Variants in RPUSD4 observed in about 807,000 individuals in gnomAD.
RPUSD4 encodes the protein pseudouridylate synthase RPUSD4, mitochondrial.
In RPUSD4, 37 loss-of-function variants were observed where a neutral mutation model predicts 35.4. The observed-to-expected ratio is 1.04, with a 90% CI of 0.80 to 1.37. The LOEUF (loss-of-function observed/expected upper bound fraction) is 1.37. Among genes scored for constraint, RPUSD4 ranks in the 40% most tolerant of loss-of-function variants. The pLI is 0.00. For synonymous variants in RPUSD4, 210 were observed against 192.7 expected (o/e 1.09, Z -0.74); for missense variants, 507 against 484.9 (o/e 1.05, Z -0.43).
intron 3 of RPUSD4, among the ~76,000 whole-genome samples, chr11:126,207,695 CA>C (rs1325825108): frequency 2.0e-5 from 3 of 152,038 alleles, no homozygotes; most frequent in Admixed American, 6.6e-5. Context: ...ACTAAAAATA[CA>C]AAAATTAGCT....
intron 3 of RPUSD4, chr11:126,208,646 GATATAT>G (rs147146741): frequency 6.6e-6 from 1 of 152,130 alleles, no homozygotes; most frequent in Non-Finnish European, 1.5e-5. Context: ...TGTACAATGT[GATATAT>G]ATATAGATAT....
intron 1 of RPUSD4, 38 bp downstream of exon 1, chr11:126,211,412 G>A: frequency 6.4e-7 from 1 of 1,557,582 alleles, no homozygotes; most frequent in Non-Finnish European, 8.7e-7. Context: ...ACCAATGAGC[G>A]CACTGCCTCT....
In RPUSD4 at chr11:126,209,699, T is replaced by C. The variant is rs756024379; in HGVS notation, c.379A>G (p.Ile127Val). The C allele has an allele frequency of 5.0e-6, 8 of 1,614,058 alleles. No homozygotes were observed. Among genetic ancestry groups the C allele is most frequent in the Non-Finnish European group, 6.8e-6 (8 of 1,180,030 alleles). ...VHGGPGVQLCITDVLPILAKM... is the reference protein window; with the variant it reads ...VHGGPGVQLCVTDVLPILAKM... The stretch of plus-strand genomic sequence containing the variant: ...GCCAGGATAGGTAGTACATCAGTGA[T>C]GCAGAGCTGGACCCCAGGGCCACCT... The change falls in exon 3 of 7, where the codon ATC becomes GTC. Residue 127 changes from isoleucine (I) to valine (V), a missense_variant. Physicochemically the swap from Ile to Val is conservative, Grantham distance 29 (BLOSUM62 3). Transcript: ENST00000298317.
intron 3 of RPUSD4, chr11:126,209,161 TCTTA>T (rs1407505591): frequency 5.0e-6 from 1 of 200,230 alleles, no homozygotes; most frequent in Non-Finnish European, 1.0e-5. Context: ...CGGACTAACT[TCTTA>T]CTTTTTATAG....
intron 6 of RPUSD4, 149 bp downstream of exon 6, chr11:126,204,082 C>T (rs1349766377): frequency 4.3e-6 from 3 of 705,288 alleles, no homozygotes; most frequent in African/African-American, 1.8e-5. Context: ...CCAACTGCTC[C>T]TAAATTTCTC....
Position 126,202,928 on chromosome 11 carries a change from T to C in RPUSD4, c.*490A>G, listed in dbSNP as rs1949728070. 6.1e-6 allele frequency: 1 copy of C among 163,762 alleles called. No individual in the cohort carries two copies. Among genetic ancestry groups the C allele is most frequent in the Admixed American group, 5.8e-5 (1 of 17,184 alleles). The allele number at this position is 163,762 out of a possible 1,614,324, so 10.1% of individuals were successfully genotyped here. A position where few individuals can be genotyped will look rare whatever the true frequency, so the allele number is the denominator to read the frequency against. ...CAATACCCTTATACAGGTTCCCTAA[T>C]CAGAGTTCAGTAGGGCACCCACACT... is the stretch of plus-strand genomic sequence containing the variant. On this transcript the variant is annotated 3_prime_UTR_variant, in exon 7 of 7. Transcript: ENST00000298317.
intron 3 of RPUSD4, among the ~76,000 whole-genome samples, chr11:126,207,149 A>G (rs60736365): frequency 0.015 from 2,288 of 152,356 alleles, 64 homozygotes; most frequent in African/African-American, 0.051. Context: ...ACAAGAATCA[A>G]TCTTATTTAA....
At chr11:126,209,499 C>T (rs1375518740) in intron 3 of RPUSD4, 22 bp downstream of exon 3, 2 of 1,603,736 alleles carry the variant, frequency 1.2e-6, no homozygotes, top group South Asian at 2.2e-5. Context: ...ACCACCTCTA[C>T]TGCCATCAGC....
rs777000635 is a variant in RPUSD4, at chr11:126,209,629, T to A, written c.449A>T (p.His150Leu). The A allele has an allele frequency of 2.5e-6, 4 of 1,614,230 alleles. No individual in the cohort carries two copies. The South Asian group carries it at 4.4e-5, about 18-fold the overall frequency. The stretch of plus-strand genomic sequence containing the variant: ...ACCTGTGGTTTCCTTGTCCAGCCGG[T>A]GGCACAGATGCAAGGGCTCTGCCTT... ...GHKAEPLHLC[H>L]RLDKETTGVM... is the part of the protein sequence containing the mutation. The change falls in exon 3 of 7, where the codon CAC (histidine) becomes CTC (leucine). Residue 150 changes from histidine to leucine, a missense_variant. Physicochemically the swap from His to Leu is moderately conservative, Grantham distance 99. Coordinates refer to ENST00000298317, the MANE Select transcript of RPUSD4 (RefSeq NM_032795.3).
rs1949817498 is a variant in RPUSD4, at chr11:126,209,601, T to C, written c.477A>G (p.Val159=). The change falls in exon 3 of 7, where the codon GTA becomes GTG. Residue 159 remains valine, a synonymous_variant. Coordinates refer to ENST00000298317, the MANE Select transcript of RPUSD4 (RefSeq NM_032795.3). Reference sequence around the variant, plus strand: ...TGTCCTTGTCCCAAGCCAACACCATTACACCTGTGGTTTCCTTGTCCAGCC... The same window carrying C: ...TGTCCTTGTCCCAAGCCAACACCATCACACCTGTGGTTTCCTTGTCCAGCC... ...CHRLDKETTG[V]MVLAWDKDMA... 1 of 1,614,106 alleles carries C rather than the reference T, an allele frequency of 6.2e-7. No individual in the cohort carries two copies. The highest frequency in any genetic ancestry group is 1.7e-5 in the Admixed American group (1 of 60,016).
chr11:126,210,551 C>CACACACCCA (rs369874015), intron 2 of RPUSD4, among the ~76,000 whole-genome samples: 4 of 145,464 alleles, frequency 2.7e-5, no homozygotes, highest in Non-Finnish European at 6.1e-5. Flanking sequence ...ACACACACAC[C>CACACACCCA]CCCTTTTTTC....
intron 3 of RPUSD4, among the ~76,000 whole-genome samples, chr11:126,208,069 C>T (rs1402504702): frequency 6.6e-6 from 1 of 151,320 alleles, no homozygotes; most frequent in Admixed American, 6.6e-5. Context: ...TTTAAAAATG[C>T]TTTGGCTGAT....
chr11:126,207,150 T>C (rs1159967051), intron 3 of RPUSD4, among the ~76,000 whole-genome samples: 1 of 152,238 alleles, frequency 6.6e-6, no homozygotes, highest in African/African-American at 2.4e-5. Context: ...CAAGAATCAA[T>C]CTTATTTAAC....
At position 126,211,644 on chromosome 11, in the gene RPUSD4, A is replaced by G. The variant is rs1591493135; in HGVS notation, c.-6T>C. The stretch of plus-strand genomic sequence containing the variant: ...CTCCACCTGGGCGCCGCCATCTTAC[A>G]AGGAAGGGCGGGGCGAGCCAAGACC... On this transcript the variant is annotated 5_prime_UTR_variant, in exon 1 of 7. Transcript: ENST00000298317. The G allele has an allele frequency of 6.2e-7, 1 of 1,611,430 alleles. No individual in the cohort carries two copies. Among genetic ancestry groups the G allele is most frequent in the Non-Finnish European group, 8.5e-7 (1 of 1,179,296 alleles).
At position 126,203,486 on chromosome 11, in the gene RPUSD4, G is replaced by A. The variant is rs1178044519; in HGVS notation, c.1066C>T (p.Leu356=). 1 of 1,614,180 alleles carries A rather than the reference G, an allele frequency of 6.2e-7. No homozygotes were observed. Among genetic ancestry groups the A allele is most frequent in the South Asian group, 1.1e-5 (1 of 91,080 alleles). The stretch of plus-strand genomic sequence containing the variant: ...TCCTCATTTGGCATCTCTAAACGCA[G>A]GCGGTGCAGGGAATGCACAAAGAAG... ...PRFFVHSLHR[L]RLEMPNEDQN... Residue 356 remains leucine, a synonymous_variant, in exon 7 of 7, where the codon CTG becomes TTG. Coordinates refer to ENST00000298317, the MANE Select transcript of RPUSD4 (RefSeq NM_032795.3).
In RPUSD4 at chr11:126,203,515, GGAAGTTTGCA is replaced by G. The variant is rs764520621; in HGVS notation, c.1027_1036del (p.Cys343LeufsTer13). On this transcript the variant is annotated frameshift_variant, in exon 7 of 7. Transcript: ENST00000298317. LOFTEE classifies it low-confidence loss of function (END_TRUNC). Reference sequence around the variant, plus strand: ...GTGCAGGGAATGCACAAAGAAGCGAGGAAGTTTGCAGACCAAGTTGAGTTCCTCCTTCCCG... The same window carrying G: ...GTGCAGGGAATGCACAAAGAAGCGAGGACCAAGTTGAGTTCCTCCTTCCCG... 1 of 1,614,216 alleles carries G rather than the reference GGAAGTTTGCA, an allele frequency of 6.2e-7. No homozygotes were observed. Among genetic ancestry groups the G allele is most frequent in the Non-Finnish European group, 8.5e-7 (1 of 1,180,046 alleles).
At position 126,211,386 on chromosome 11, in the gene RPUSD4, ACT is replaced by A. The variant is rs1175655698; in HGVS notation, c.189+62_189+63del. The A allele has an allele frequency of 7.3e-6, 11 of 1,507,462 alleles. No homozygotes were observed. The African/African-American group carries it at 1.5e-4, about 21-fold the overall frequency. The allele number at this position is 1,507,462 out of a possible 1,614,324, so 93.4% of individuals were successfully genotyped here. A position where few individuals can be genotyped will look rare whatever the true frequency, so the allele number is the denominator to read the frequency against. On this transcript the variant is annotated intron_variant, in intron 1 of 6. Coordinates refer to ENST00000298317, the MANE Select transcript of RPUSD4 (RefSeq NM_032795.3). Reference sequence around the variant, plus strand: ...TTTCACTCAGAGGACCCTCCTACCTACTCCCCGTCTGGGAAACCAATGAGCGC... The same window carrying A: ...TTTCACTCAGAGGACCCTCCTACCTACCCCGTCTGGGAAACCAATGAGCGC...
chr11:126,211,250 T>C (rs1949862134), intron 1 of RPUSD4, 195 bp from the exon 2 acceptor site: 3 of 896,174 alleles, frequency 3.3e-6, no homozygotes, highest in East Asian at 2.5e-5. Flanking sequence ...GGACTGAGCC[T>C]GACAGTAGCC....
chr11:126,208,010 G>A (rs1013483329), intron 3 of RPUSD4, among the ~76,000 whole-genome samples: 5 of 151,888 alleles, frequency 3.3e-5, no homozygotes, highest in Admixed American at 3.3e-4. Context: ...GTTATACAAG[G>A]AAATAGAAAA....
Sources: allele counts gnomAD v4.1 joint callset (sites outside exome capture counted in the v4.1 genomes callset), GRCh38; gene constraint gnomAD v4.1.1; transcripts MANE v1.5; gene names NCBI Gene and HGNC (gene_info 2026-07-23, HGNC 2026-07-21).